Variants in MANBA observed in about 807,000 individuals in gnomAD.
MANBA encodes the protein mannosidase beta, also known as beta-mannosidase.
MANBA carries 83 observed loss-of-function variants against 111.1 expected under a neutral mutation model. The observed-to-expected ratio is 0.75, with a 90% confidence interval of 0.63 to 0.90. The LOEUF (loss-of-function observed/expected upper bound fraction) is 0.90, where lower values mean the gene tolerates loss of function less well. Ranked by LOEUF, MANBA falls within the 40% of genes least tolerant of loss-of-function variation. The pLI, the probability that MANBA is intolerant of heterozygous loss-of-function variation, is 0.00. For missense variants in MANBA, 1,036 were observed against 1,069.0 expected, an observed-to-expected ratio of 0.97 and a Z score of 0.43; for synonymous variants, 370 against 378.7, an observed-to-expected ratio of 0.98 and a Z score of 0.27.
At chr4:102,754,809 C>T (rs923243230) in intron 1 of MANBA, among the ~76,000 whole-genome samples, 1 of 152,092 alleles carries the variant, frequency 6.6e-6, no homozygotes, top group Non-Finnish European at 1.5e-5. Flanking sequence ...GCCGCCTTGG[C>T]CTCCCAAAGT....
At chr4:102,751,661 G>A (rs1194493775) in intron 1 of MANBA, 2 of 542,218 alleles carry the variant, frequency 3.7e-6, no homozygotes, top group Non-Finnish European at 7.5e-6. Context: ...AATATGTGAA[G>A]TACACAGCAC....
chr4:102,700,500 C>T (rs1471779411), intron 5 of MANBA, among the ~76,000 whole-genome samples: 2 of 151,976 alleles, frequency 1.3e-5, no homozygotes, highest in Admixed American at 6.6e-5. Context: ...GCATTTAGTG[C>T]TATAAATTTC....
chr4:102,657,283 GACA>G (rs1359134250), intron 12 of MANBA, among the ~76,000 whole-genome samples: 1 of 151,338 alleles, frequency 6.6e-6, no homozygotes, highest in Non-Finnish European at 1.5e-5. Context: ...AAGGTAAGAT[GACA>G]ACATTAGACT....
intron 5 of MANBA, among the ~76,000 whole-genome samples, chr4:102,704,364 A>G (rs1018292191): frequency 1.3e-5 from 2 of 152,086 alleles, no homozygotes; most frequent in Non-Finnish European, 2.9e-5. Context: ...TTTTTTGTAG[A>G]GACAATGTCT....
In MANBA at chr4:102,723,955, T is replaced by C. The variant is rs1440248913; in HGVS notation, c.285A>G (p.Lys95=). 6 of 1,601,906 alleles carry C rather than the reference T, an allele frequency of 3.7e-6. No individual in the cohort carries two copies. Among genetic ancestry groups the C allele is most frequent in the African/African-American group, 1.3e-5 (1 of 74,396 alleles). ...CCACTCCCTCAAGAATCAAATTTAC[T>C]TTTTGCCATTTGCTAAAAAAAAGAA... ...KIPFEISKWQ[K]VNLILEGVDT... The change falls in exon 3 of 17, where the codon AAA becomes AAG. Residue 95 remains lysine (K), a synonymous_variant. Transcript: ENST00000647097.
intron 1 of MANBA, among the ~76,000 whole-genome samples, chr4:102,740,261 G>A (rs539338012): frequency 5.3e-4 from 80 of 152,218 alleles, no homozygotes; most frequent in Non-Finnish European, 9.1e-4. Flanking sequence ...CCTCTACAAG[G>A]AAAACCATGA....
chr4:102,647,533 T>TA (rs1730154642), intron 13 of MANBA, among the ~76,000 whole-genome samples: 1 of 151,712 alleles, frequency 6.6e-6, no homozygotes, highest in Admixed American at 6.6e-5. Flanking sequence ...AAATCCAGCA[T>TA]AAAAAACAAT....
At chr4:102,648,301 C>T (rs879915208) in intron 13 of MANBA, among the ~76,000 whole-genome samples, 7 of 151,818 alleles carry the variant, frequency 4.6e-5, no homozygotes, top group Non-Finnish European at 8.8e-5. Flanking sequence ...TCATAATAGC[C>T]AAAAATTGGA....
At chr4:102,688,376 CCT>C (rs1212295515) in intron 7 of MANBA, among the ~76,000 whole-genome samples, 2 of 136,266 alleles carry the variant, frequency 1.5e-5, no homozygotes, top group Admixed American at 7.6e-5. Context: ...CTCTCTCTCC[CCT>C]CCCCCCTTAC....
rs369573031 is a variant in MANBA at position 102,638,785 on chromosome 4, C to A, written c.2014+928G>T. Among the ~76,000 whole-genome samples, 27 of 152,284 alleles carry A rather than the reference C, an allele frequency of 1.8e-4. No individual in the cohort carries two copies. The East Asian group carries it at 4.8e-3, about 27-fold the overall frequency. The stretch of plus-strand genomic sequence containing the variant: ...GAGAAATTTGATTAGAAATCCAATT[C>A]TCTGTAAGAGTCATCCATCTGGCAC... On this transcript the variant is annotated intron_variant, in intron 14 of 16. Coordinates refer to ENST00000647097, the MANE Select transcript of MANBA (RefSeq NM_005908.4).
intron 5 of MANBA, among the ~76,000 whole-genome samples, chr4:102,707,600 G>A (rs902560701): frequency 2.0e-5 from 3 of 151,932 alleles, no homozygotes; most frequent in African/African-American, 7.3e-5. Context: ...AACAAAAAAA[G>A]GTATACAAAA....
intron 11 of MANBA, among the ~76,000 whole-genome samples, chr4:102,661,656 TA>T (rs1730960955): frequency 6.6e-6 from 1 of 152,242 alleles, no homozygotes; most frequent in Non-Finnish European, 1.5e-5. Flanking sequence ...AGCCATGCAG[TA>T]AAATTACAAA....
At chr4:102,688,631 C>A (rs1456262436) in intron 7 of MANBA, among the ~76,000 whole-genome samples, 1 of 152,166 alleles carries the variant, frequency 6.6e-6, no homozygotes, top group Non-Finnish European at 1.5e-5. Flanking sequence ...TTTCTACTAA[C>A]TATATGCCAT....
intron 5 of MANBA, among the ~76,000 whole-genome samples, chr4:102,711,814 G>A (rs1722080576): frequency 1.3e-5 from 2 of 152,134 alleles, no homozygotes; most frequent in South Asian, 2.1e-4. Context: ...GACAGAGAAA[G>A]ACAAATTTTG....
At chr4:102,741,635 G>C (rs1026762846) in intron 1 of MANBA, among the ~76,000 whole-genome samples, 1 of 152,162 alleles carries the variant, frequency 6.6e-6, no homozygotes, top group Non-Finnish European at 1.5e-5. Context: ...AAATAAAGTA[G>C]AGTTGGAGAC....
chr4:102,668,636 G>T, intron 10 of MANBA: 1 of 286,106 alleles, frequency 3.5e-6, no homozygotes, highest in South Asian at 3.7e-5. Context: ...GATTGGGGAG[G>T]GGGTGCAATA....
chr4:102,738,746 A>C (rs1723303806), intron 1 of MANBA, among the ~76,000 whole-genome samples: 1 of 152,228 alleles, frequency 6.6e-6, no homozygotes, highest in African/African-American at 2.4e-5. Context: ...GGATCGAACC[A>C]AGAAGAAATC....
intron 5 of MANBA, among the ~76,000 whole-genome samples, chr4:102,710,647 G>A (rs1302808899): frequency 6.6e-6 from 1 of 151,728 alleles, no homozygotes; most frequent in Admixed American, 6.6e-5. Context: ...ACTTTGTACA[G>A]AAATAGAAAA....
chr4:102,714,370 C>A, intron 5 of MANBA, 68 bp downstream of exon 5: 1 of 1,456,844 alleles, frequency 6.9e-7, no homozygotes, highest in South Asian at 1.2e-5. Flanking sequence ...CTCTGTATTT[C>A]AATTATAAAC....
Sources: allele counts gnomAD v4.1 joint callset (sites outside exome capture counted in the v4.1 genomes callset), GRCh38; gene constraint gnomAD v4.1.1; transcripts MANE v1.5; gene names NCBI Gene and HGNC (gene_info 2026-07-23, HGNC 2026-07-21).